Variants in TENM2 observed in about 807,000 individuals in gnomAD.
The protein encoded by TENM2 is teneurin-2.
In TENM2, 52 loss-of-function variants were observed where a neutral mutation model predicts 245.2. That is an observed-to-expected ratio of 0.21 (90% CI 0.17 to 0.27). The LOEUF (loss-of-function observed/expected upper bound fraction) is 0.27. Among genes scored for constraint, TENM2 ranks in the 10% least tolerant of loss-of-function variants. TENM2 has a pLI of 1.00. For synonymous variants in TENM2, 1,363 were observed against 1,438.9 expected (o/e 0.95, Z 1.19); for missense variants, 3,046 against 3,666.8 (o/e 0.83, Z 4.37).
At chr5:166,994,748 T>C in the TENM2 span, among the ~76,000 whole-genome samples, 1 of 152,198 alleles carries the variant, frequency 6.6e-6, no homozygotes, top group Non-Finnish European at 1.5e-5. Context: ...TAATTCACAA[T>C]TGACGTGTGG....
At chr5:167,102,743 C>T in the TENM2 span, among the ~76,000 whole-genome samples, 1 of 152,240 alleles carries the variant, frequency 6.6e-6, no homozygotes, top group African/African-American at 2.4e-5. Flanking sequence ...AGTGCAACCT[C>T]CGCCTCCCAG....
At chr5:168,184,533 C>A (rs1017713993) in intron 13 of TENM2, among the ~76,000 whole-genome samples, 2 of 152,210 alleles carry the variant, frequency 1.3e-5, no homozygotes, top group Non-Finnish European at 2.9e-5. Flanking sequence ...AAAAGTTGAA[C>A]AAAATGCTTC....
chr5:168,048,702 A>T (rs1788827327), intron 6 of TENM2, among the ~76,000 whole-genome samples: 3 of 152,180 alleles, frequency 2.0e-5, no homozygotes, highest in African/African-American at 7.2e-5. Flanking sequence ...CCAGAGGTGC[A>T]CATTAGTCAT....
chr5:167,294,063 C>T (rs10462891), intron 1 of TENM2, among the ~76,000 whole-genome samples: 37,076 of 151,504 alleles, frequency 0.24, 7,324 homozygotes, highest in African/African-American at 0.54. Flanking sequence ...AAGCTGAGTA[C>T]GTTTGGAAGA....
chr5:167,824,901 G>A (rs961813100), intron 2 of TENM2, among the ~76,000 whole-genome samples: 2 of 152,172 alleles, frequency 1.3e-5, no homozygotes, highest in Non-Finnish European at 2.9e-5. Flanking sequence ...GGAGTCTGGG[G>A]GCTACCAGTT....
chr5:167,868,744 A>G (rs1044768331), intron 2 of TENM2, among the ~76,000 whole-genome samples: 1 of 151,880 alleles, frequency 6.6e-6, no homozygotes, highest in East Asian at 1.9e-4. Context: ...TCTAAAAAAA[A>G]AAAAAAAAAA....
At chr5:167,336,839 C>T (rs1246888467) in intron 1 of TENM2, among the ~76,000 whole-genome samples, 1 of 151,224 alleles carries the variant, frequency 6.6e-6, no homozygotes, top group Non-Finnish European at 1.5e-5. Context: ...AAAAATCGGC[C>T]GGGTGCGGTG....
chr5:167,499,782 G>A (rs150581516), intron 2 of TENM2, among the ~76,000 whole-genome samples: 120 of 152,050 alleles, frequency 7.9e-4, no homozygotes, highest in Non-Finnish European at 1.3e-3. Flanking sequence ...CAGTCAAGGG[G>A]TCTGTGTGTG....
At chr5:168,016,927 C>G (rs1178150202) in intron 5 of TENM2, among the ~76,000 whole-genome samples, 1 of 152,184 alleles carries the variant, frequency 6.6e-6, no homozygotes. Context: ...GTACAAAGTG[C>G]TCAATGATTG....
chr5:167,725,232 A>G (rs1328451911), intron 2 of TENM2, among the ~76,000 whole-genome samples: 2 of 152,124 alleles, frequency 1.3e-5, no homozygotes, highest in Admixed American at 6.6e-5. Flanking sequence ...CATAACTCCT[A>G]TGATATGGTG....
chr5:167,215,304 G>GTGAGT, the TENM2 span, among the ~76,000 whole-genome samples: 1 of 152,212 alleles, frequency 6.6e-6, no homozygotes, highest in Non-Finnish European at 1.5e-5. Flanking sequence ...GGGGCAGGAT[G>GTGAGT]TGAGTTTTGA....
At chr5:168,254,402 A>G (rs1767444102) in intron 27 of TENM2, among the ~76,000 whole-genome samples, 1 of 151,888 alleles carries the variant, frequency 6.6e-6, no homozygotes, top group Non-Finnish European at 1.5e-5. Flanking sequence ...GAAACCAGCC[A>G]TGTTAGAAAA....
intron 2 of TENM2, among the ~76,000 whole-genome samples, chr5:167,848,118 A>G (rs1175797320): frequency 6.6e-6 from 1 of 152,236 alleles, no homozygotes; most frequent in Non-Finnish European, 1.5e-5. Context: ...CCTGTGGTAC[A>G]TCATTAGGAA....
intron 2 of TENM2, among the ~76,000 whole-genome samples, chr5:167,512,487 C>T (rs1466841702): frequency 2.0e-5 from 3 of 152,138 alleles, no homozygotes; most frequent in African/African-American, 7.2e-5. Flanking sequence ...AGATTACAAT[C>T]CCTACACTCC....
At chr5:167,874,480 C>G (rs1301243413) in intron 2 of TENM2, among the ~76,000 whole-genome samples, 1 of 152,162 alleles carries the variant, frequency 6.6e-6, no homozygotes, top group Non-Finnish European at 1.5e-5. Flanking sequence ...AGCAGGAACA[C>G]ACATTTCTTC....
At chr5:167,391,550 A>G (rs1281938928) in intron 2 of TENM2, among the ~76,000 whole-genome samples, 4 of 147,554 alleles carry the variant, frequency 2.7e-5, no homozygotes, top group Non-Finnish European at 6.0e-5. Flanking sequence ...GCTTGAACCC[A>G]GGAGGCAGAG....
chr5:167,158,533 C>T, the TENM2 span, among the ~76,000 whole-genome samples: 1 of 152,126 alleles, frequency 6.6e-6, no homozygotes, highest in Non-Finnish European at 1.5e-5. Context: ...CATTATTTTT[C>T]ACTGTTCTGG....
At chr5:167,013,797 G>C in the TENM2 span, among the ~76,000 whole-genome samples, 136 of 152,284 alleles carry the variant, frequency 8.9e-4, no homozygotes, top group African/African-American at 3.2e-3. Context: ...TATAATTTGG[G>C]CAAGTTTACT....
At chr5:168,090,900 G>C in intron 8 of TENM2, 131 bp downstream of exon 10, 1 of 747,986 alleles carries the variant, frequency 1.3e-6, no homozygotes, top group Middle Eastern at 2.9e-4. Flanking sequence ...CTTTGTTTAG[G>C]CCTTATAGTG....
Sources: allele counts gnomAD v4.1 joint callset (sites outside exome capture counted in the v4.1 genomes callset), GRCh38; gene constraint gnomAD v4.1.1; transcripts MANE v1.5; gene names NCBI Gene and HGNC (gene_info 2026-07-23, HGNC 2026-07-21).